The following LARP4B variants were observed in gnomAD, a reference collection of about 807,000 sequenced individuals.
LARP4B encodes the protein la-related protein 4B.
LARP4B carries 12 observed loss-of-function variants against 89.8 expected under a neutral mutation model. That is an observed-to-expected ratio of 0.13 (90% CI 0.09 to 0.22). The LOEUF (loss-of-function observed/expected upper bound fraction) is 0.22, where lower values mean the gene tolerates loss of function less well. LARP4B is among the 10% of genes least tolerant of loss of function. The pLI, the probability that LARP4B is intolerant of heterozygous loss-of-function variation, is 1.00. For synonymous variants in LARP4B, 367 were observed against 363.3 expected (o/e 1.01, Z -0.12); for missense variants, 757 against 947.7 (o/e 0.80, Z 2.64).
At chr10:936,814 C>T (rs1353047702), upstream of LARP4B, among the ~76,000 whole-genome samples, 3 of 152,148 alleles carry the variant, frequency 2.0e-5, no homozygotes, top group Non-Finnish European at 4.4e-5. Flanking sequence ...ACAAAAGCCA[C>T]TCCAATAGAA....
chr10:921,715 A>G (rs1471444827), intron 1 of LARP4B, among the ~76,000 whole-genome samples: 1 of 152,170 alleles, frequency 6.6e-6, no homozygotes, highest in African/African-American at 2.4e-5. Context: ...ATGCTTCTAC[A>G]GTTTATTTGG....
At chr10:950,056 G>A in the LARP4B span, among the ~76,000 whole-genome samples, 17 of 152,208 alleles carry the variant, frequency 1.1e-4, 1 homozygote, top group Admixed American at 5.2e-4. Flanking sequence ...GATTACAGGC[G>A]TGAGCCACTG....
intron 3 of LARP4B, among the ~76,000 whole-genome samples, chr10:864,813 C>T (rs866714646): frequency 5.9e-5 from 9 of 152,030 alleles, no homozygotes; most frequent in African/African-American, 1.7e-4. Context: ...ATTAGCCGGG[C>T]GTGGTGGCGC....
At chr10:832,368 A>C (rs1471520085) in intron 8 of LARP4B, among the ~76,000 whole-genome samples, 1 of 152,206 alleles carries the variant, frequency 6.6e-6, no homozygotes, top group Non-Finnish European at 1.5e-5. Flanking sequence ...GACCAAAATC[A>C]AACTTTACTG....
the LARP4B span, among the ~76,000 whole-genome samples, chr10:952,477 C>T: frequency 7.7e-4 from 105 of 135,684 alleles, no homozygotes; most frequent in African/African-American, 2.7e-3. Flanking sequence ...AGGAAGAAAT[C>T]GCACCAGCCC....
At chr10:897,366 A>C (rs1836217084) in intron 1 of LARP4B, among the ~76,000 whole-genome samples, 1 of 152,228 alleles carries the variant, frequency 6.6e-6, no homozygotes, top group African/African-American at 2.4e-5. Context: ...ACATACACAA[A>C]AATTAAGGCA....
chr10:825,352 A>C (rs1483547263), intron 12 of LARP4B, 36 bp from the exon 13 acceptor site: 1 of 1,603,284 alleles, frequency 6.2e-7, no homozygotes, highest in South Asian at 1.1e-5. Context: ...TTGAGTTATA[A>C]AATGATCAAG....
intron 1 of LARP4B, among the ~76,000 whole-genome samples, chr10:912,931 C>T (rs1389263673): frequency 6.6e-6 from 1 of 152,148 alleles, no homozygotes; most frequent in Non-Finnish European, 1.5e-5. Context: ...ATAAAAGAAA[C>T]TGACATCTGT....
At chr10:962,294 T>C in the LARP4B span, among the ~76,000 whole-genome samples, 3 of 104,824 alleles carry the variant, frequency 2.9e-5, no homozygotes, top group African/African-American at 4.0e-5. Flanking sequence ...TGAAACTCCA[T>C]CTCCAAAAAA....
At chr10:920,091 C>T (rs901152600) in intron 1 of LARP4B, among the ~76,000 whole-genome samples, 4 of 152,216 alleles carry the variant, frequency 2.6e-5, no homozygotes, top group African/African-American at 7.2e-5. Flanking sequence ...AATTATCTAA[C>T]ATACATAAAA....
intron 1 of LARP4B, among the ~76,000 whole-genome samples, chr10:887,855 T>A (rs1199294419): frequency 7.2e-6 from 1 of 139,128 alleles, no homozygotes; most frequent in Non-Finnish European, 1.5e-5. Flanking sequence ...GAAACCCCAA[T>A]CTACTAAAAA....
chr10:830,787 C>A, intron 9 of LARP4B, 80 bp downstream of exon 9: 1 of 682,792 alleles, frequency 1.5e-6, no homozygotes, highest in East Asian at 2.8e-5. Context: ...ATCTCAATGC[C>A]CAAGTTTAGT....
At chr10:884,351 T>C in intron 3 of LARP4B, 96 bp downstream of exon 3, 1 of 901,096 alleles carries the variant, frequency 1.1e-6, no homozygotes, top group African/African-American at 1.7e-5. Context: ...ATCTACATTT[T>C]CTAATTTTTG....
At chr10:813,392 A>AC (rs571000071) in intron 17 of LARP4B, among the ~76,000 whole-genome samples, 179 bp from the exon 18 acceptor site, 3 of 152,378 alleles carry the variant, frequency 2.0e-5, no homozygotes, top group Non-Finnish European at 4.4e-5. Context: ...CTGCAGCAGA[A>AC]CACTCCCTCT....
At chr10:916,087 G>T (rs1836813321) in intron 1 of LARP4B, among the ~76,000 whole-genome samples, 1 of 152,102 alleles carries the variant, frequency 6.6e-6, no homozygotes. Flanking sequence ...ATAAGAAATG[G>T]TGTTTAACTT....
At chr10:850,890 T>C (rs141669660) in intron 5 of LARP4B, among the ~76,000 whole-genome samples, 31 of 151,228 alleles carry the variant, frequency 2.0e-4, no homozygotes, top group African/African-American at 7.5e-4. Context: ...AGAAAAAAAA[T>C]CAAAAAAGAA....
At chr10:946,001 A>C in the LARP4B span, among the ~76,000 whole-genome samples, 8 of 152,198 alleles carry the variant, frequency 5.3e-5, no homozygotes, top group African/African-American at 1.9e-4. Context: ...GCAAGAATGT[A>C]AGCCCAGCCT....
At chr10:842,834 G>A (rs1405267678) in intron 7 of LARP4B, 98 bp downstream of exon 7, 7 of 1,083,784 alleles carry the variant, frequency 6.5e-6, no homozygotes, top group African/African-American at 6.3e-5. Flanking sequence ...TCGCCATCAA[G>A]GACCTTAACG....
At chr10:866,482 A>G (rs1440351654) in intron 3 of LARP4B, among the ~76,000 whole-genome samples, 2 of 152,234 alleles carry the variant, frequency 1.3e-5, no homozygotes, top group African/African-American at 2.4e-5. Context: ...ATGGAGCTAC[A>G]TGAGGGGGCA....
Sources: gnomAD v4.1 joint callset for allele counts (sites outside exome capture counted in the v4.1 genomes callset) on GRCh38, gnomAD v4.1.1 for gene constraint, MANE v1.5 for transcripts, NCBI Gene and HGNC (gene_info 2026-07-23, HGNC 2026-07-21) for gene names.